The following STXBP4 variants were observed in gnomAD, a reference collection of about 807,000 sequenced individuals.
The protein encoded by STXBP4 is syntaxin-binding protein 4.
In STXBP4, 55 loss-of-function variants were observed where a neutral mutation model predicts 76.1. The observed-to-expected ratio is 0.72, with a 90% CI of 0.58 to 0.91. The LOEUF is 0.91. STXBP4 is among the 40% of genes least tolerant of loss of function. The pLI is 0.00. For synonymous variants in STXBP4, 201 were observed against 220.2 expected (o/e 0.91, Z 0.77); for missense variants, 618 against 636.9 (o/e 0.97, Z 0.32).
chr17:55,039,230 G>A (rs1384149928), intron 10 of STXBP4, among the ~76,000 whole-genome samples: 1 of 152,158 alleles, frequency 6.6e-6, no homozygotes, highest in African/African-American at 2.4e-5. Context: ...GTTGGCATTT[G>A]AGTAAATTTT....
chr17:55,135,175 A>G (rs2080015158), intron 16 of STXBP4, among the ~76,000 whole-genome samples: 1 of 152,184 alleles, frequency 6.6e-6, no homozygotes, highest in Admixed American at 6.6e-5. Flanking sequence ...CAGATAAAGT[A>G]GACTGTGAAC....
intron 17 of STXBP4, among the ~76,000 whole-genome samples, chr17:55,146,847 A>G (rs1347572645): frequency 6.6e-6 from 1 of 152,204 alleles, no homozygotes; most frequent in Non-Finnish European, 1.5e-5. Flanking sequence ...GCTACTCACA[A>G]TATGGCAGCT....
chr17:55,087,052 T>C (rs1304835306), intron 16 of STXBP4, among the ~76,000 whole-genome samples: 3 of 152,184 alleles, frequency 2.0e-5, no homozygotes, highest in Non-Finnish European at 4.4e-5. Context: ...TGGCCATTTG[T>C]ATGTCTTCTT....
chr17:55,143,603 G>A (rs1448668741), intron 17 of STXBP4, among the ~76,000 whole-genome samples: 1 of 152,154 alleles, frequency 6.6e-6, no homozygotes, highest in Non-Finnish European at 1.5e-5. Flanking sequence ...GCCTTGGGCT[G>A]GTCTCCCACT....
chr17:55,058,908 C>T (rs1457408173), intron 12 of STXBP4, among the ~76,000 whole-genome samples: 1 of 151,984 alleles, frequency 6.6e-6, no homozygotes, highest in Non-Finnish European at 1.5e-5. Context: ...TACGAAACTT[C>T]TTATCAAATT....
chr17:55,002,013 T>G (rs1598184464), intron 7 of STXBP4, among the ~76,000 whole-genome samples: 1 of 152,366 alleles, frequency 6.6e-6, no homozygotes, highest in Middle Eastern at 3.4e-3. Context: ...TATTTACCAG[T>G]GGGTTAATAG....
chr17:55,056,782 A>G (rs2144802186), intron 12 of STXBP4, among the ~76,000 whole-genome samples: 2 of 152,234 alleles, frequency 1.3e-5, no homozygotes, highest in South Asian at 2.1e-4. Flanking sequence ...CAAGGCAGGC[A>G]GATCGCTTGA....
intron 12 of STXBP4, among the ~76,000 whole-genome samples, chr17:55,071,375 C>A (rs1249734022): frequency 6.6e-6 from 1 of 152,076 alleles, no homozygotes; most frequent in African/African-American, 2.4e-5. Flanking sequence ...CTGGACCCTA[C>A]TACTCCTACC....
intron 1 of STXBP4, among the ~76,000 whole-genome samples, chr17:54,974,147 T>C (rs1231526175): frequency 6.6e-6 from 1 of 152,248 alleles, no homozygotes; most frequent in Non-Finnish European, 1.5e-5. Flanking sequence ...GTGGTTTTCC[T>C]GATAAAGCTC....
intron 8 of STXBP4, among the ~76,000 whole-genome samples, chr17:55,021,960 G>A (rs2078320789): frequency 2.6e-5 from 4 of 152,146 alleles, no homozygotes. Flanking sequence ...GCACAAAGAT[G>A]TATGTGGAAG....
chr17:54,978,112 A>G (rs1370398463), intron 1 of STXBP4, among the ~76,000 whole-genome samples: 1 of 152,220 alleles, frequency 6.6e-6, no homozygotes, highest in Non-Finnish European at 1.5e-5. Context: ...TTTAAAAAGA[A>G]AATCGTTCCC....
At chr17:54,990,427 G>A (rs2077696834) in intron 3 of STXBP4, among the ~76,000 whole-genome samples, 1 of 152,166 alleles carries the variant, frequency 6.6e-6, no homozygotes, top group Non-Finnish European at 1.5e-5. Context: ...GATCTAGCTT[G>A]CGTGCTCCTT....
chr17:54,987,237 T>C (rs1567704464), intron 3 of STXBP4, among the ~76,000 whole-genome samples: 2 of 152,228 alleles, frequency 1.3e-5, no homozygotes, highest in South Asian at 2.1e-4. Flanking sequence ...CTTGCTGTTA[T>C]TCTAGTCTTC....
At chr17:55,205,543 G>GCACACA in the STXBP4 span, among the ~76,000 whole-genome samples, 9 of 148,572 alleles carry the variant, frequency 6.1e-5, no homozygotes, top group South Asian at 4.3e-4. Flanking sequence ...GCAGACAAAT[G>GCACACA]CACACACACA....
chr17:55,069,827 G>A (rs2079100166), intron 12 of STXBP4, among the ~76,000 whole-genome samples: 1 of 152,096 alleles, frequency 6.6e-6, no homozygotes, highest in East Asian at 1.9e-4. Context: ...AAATAAAAGT[G>A]CTGTTTTTAT....
At chr17:55,091,289 G>GT (rs1215826271) in intron 16 of STXBP4, among the ~76,000 whole-genome samples, 1 of 151,980 alleles carries the variant, frequency 6.6e-6, no homozygotes, top group African/African-American at 2.4e-5. Context: ...CATTTGGAAG[G>GT]TTTTTTTGAA....
At chr17:54,999,993 A>G in intron 6 of STXBP4, 151 bp downstream of exon 6, 1 of 776,264 alleles carries the variant, frequency 1.3e-6, no homozygotes, top group South Asian at 2.1e-5. Flanking sequence ...TAAAATTTTT[A>G]TGCTGTGTTT....
chr17:55,205,730 A>G, the STXBP4 span, among the ~76,000 whole-genome samples: 1 of 152,172 alleles, frequency 6.6e-6, no homozygotes, highest in African/African-American at 2.4e-5. Flanking sequence ...AAATATTTAT[A>G]TATATTTTTG....
chr17:55,095,575 C>G (rs2079474587), intron 16 of STXBP4, among the ~76,000 whole-genome samples: 1 of 152,122 alleles, frequency 6.6e-6, no homozygotes, highest in Non-Finnish European at 1.5e-5. Flanking sequence ...CAATTCAGAT[C>G]CAGAAGTTCA....
Sources: gnomAD v4.1 joint callset for allele counts (sites outside exome capture counted in the v4.1 genomes callset) on GRCh38, gnomAD v4.1.1 for gene constraint, MANE v1.5 for transcripts, NCBI Gene and HGNC (gene_info 2026-07-23, HGNC 2026-07-21) for gene names.